Variants in ANKH observed in about 807,000 individuals in gnomAD.
ANKH encodes mineralization regulator ANKH.
Under a neutral mutation model 49.0 loss-of-function variants are expected in ANKH, and 15 were observed. That is an observed-to-expected ratio of 0.31 (90% CI 0.20 to 0.47). The LOEUF (loss-of-function observed/expected upper bound fraction) is 0.47. Among genes scored for constraint, ANKH ranks in the 20% least tolerant of loss-of-function variants. The pLI, the probability that ANKH is intolerant of heterozygous loss-of-function variation, is 1.00. For synonymous variants in ANKH, 273 were observed against 260.0 expected (o/e 1.05, Z -0.48); for missense variants, 429 against 652.0 (o/e 0.66, Z 3.72).
chr5:14,795,974 G>A (rs1194025342), intron 1 of ANKH, among the ~76,000 whole-genome samples: 2 of 151,956 alleles, frequency 1.3e-5, no homozygotes, highest in Non-Finnish European at 2.9e-5. Context: ...CCTTATTAGT[G>A]TCCTGTTTGG....
chr5:14,813,181 C>T (rs1740937032), intron 1 of ANKH, among the ~76,000 whole-genome samples: 1 of 151,430 alleles, frequency 6.6e-6, no homozygotes, highest in African/African-American at 2.4e-5. Flanking sequence ...TTCAAGGTTA[C>T]AGTGAGCTAT....
chr5:14,819,529 T>A (rs1741137480), intron 1 of ANKH, among the ~76,000 whole-genome samples: 2 of 152,124 alleles, frequency 1.3e-5, no homozygotes, highest in South Asian at 4.1e-4. Flanking sequence ...GAGAGCTACT[T>A]TTGGTGCAAG....
At chr5:14,847,287 A>G (rs1039738076) in intron 1 of ANKH, among the ~76,000 whole-genome samples, 1 of 152,160 alleles carries the variant, frequency 6.6e-6, no homozygotes, top group South Asian at 2.1e-4. Flanking sequence ...ACTAAGGGGG[A>G]AAAAGGGGCT....
At chr5:14,722,661 T>C (rs1405240434) in intron 8 of ANKH, among the ~76,000 whole-genome samples, 2 of 152,202 alleles carry the variant, frequency 1.3e-5, no homozygotes, top group South Asian at 2.1e-4. Flanking sequence ...AGCAAATAAA[T>C]ATCCATGAGT....
chr5:14,721,954 A>AAAAAAAAAAAAAAT (rs1737684778), intron 8 of ANKH, among the ~76,000 whole-genome samples: 1 of 150,538 alleles, frequency 6.6e-6, no homozygotes, highest in African/African-American at 2.4e-5. Flanking sequence ...AAAAAAAAAA[A>AAAAAAAAAAAAAAT]GTGGGTATGG....
chr5:14,820,976 A>G (rs1375186850), intron 1 of ANKH, among the ~76,000 whole-genome samples: 2 of 152,012 alleles, frequency 1.3e-5, no homozygotes, highest in Non-Finnish European at 2.9e-5. Context: ...GTGACACTGT[A>G]GTCCCAGCAC....
At chr5:14,858,725 A>G (rs1372292016) in intron 1 of ANKH, among the ~76,000 whole-genome samples, 1 of 94,800 alleles carries the variant, frequency 1.1e-5, no homozygotes, top group African/African-American at 4.3e-5. Flanking sequence ...CAATAAATAA[A>G]TAAATAAATA....
intron 5 of ANKH, among the ~76,000 whole-genome samples, chr5:14,750,106 A>T (rs1475961284): frequency 6.6e-6 from 1 of 152,224 alleles, no homozygotes; most frequent in African/African-American, 2.4e-5. Flanking sequence ...GTCTGACCTC[A>T]GATGGAGGTA....
chr5:14,751,142 C>T lies in ANKH; in HGVS notation c.614G>A (p.Cys205Tyr), dbSNP rs947608393. The T allele has an allele frequency of 6.2e-7, 1 of 1,614,114 alleles. No individual in the cohort carries two copies. The highest frequency in any genetic ancestry group is 8.5e-7 in the Non-Finnish European group (1 of 1,180,044). Residue 205 changes from cysteine (C) to tyrosine (Y), a missense_variant, in exon 5 of 12, where the codon TGC (cysteine) becomes TAC (tyrosine). Transcript: ENST00000284268. The part of the protein sequence containing the change: ...LSLYMGALVR[C>Y]TTLCLGYYKN... The stretch of plus-strand genomic sequence containing the variant: ...GTAGTAGCCCAGGCACAGGGTGGTG[C>T]AGCGCACAAGTGCGCCCATGTACAA...
rs1267380844 is a variant in ANKH, at chr5:14,793,037, A to AAT, written c.97-23848_97-23847dup. ...ATATATATAAATATATATATATAAAAATATATATATAAATATATATAAAAT... is the reference window on the plus strand; with the variant it reads ...ATATATATAAATATATATATATAAAAATATATATATATAAATATATATAAAAT... On this transcript the variant is annotated intron_variant, in intron 1 of 11. Coordinates refer to ENST00000284268, the MANE Select transcript of ANKH (RefSeq NM_054027.6). Among the ~76,000 whole-genome samples the AAT allele has an allele frequency of 1.0e-3, 56 of 56,194 alleles. 1 individual carries two copies. Among genetic ancestry groups the AAT allele is most frequent in the African/African-American group, 4.1e-3 (52 of 12,834 alleles). The allele number at this position is 56,194 out of a possible 152,430, so 36.9% of individuals were successfully genotyped here. A position where few individuals can be genotyped will look rare whatever the true frequency, so the allele number is the denominator to read the frequency against.
chr5:14,821,243 A>G (rs1464232406), intron 1 of ANKH, among the ~76,000 whole-genome samples: 4 of 152,178 alleles, frequency 2.6e-5, no homozygotes, highest in African/African-American at 9.7e-5. Context: ...CAATCCCTTG[A>G]GGGTAATAAT....
chr5:14,747,885 C>T (rs1287236340), intron 6 of ANKH, among the ~76,000 whole-genome samples: 1 of 152,150 alleles, frequency 6.6e-6, no homozygotes, highest in Non-Finnish European at 1.5e-5. Context: ...CCACCTCTCC[C>T]ACGGCTCCCC....
intron 1 of ANKH, among the ~76,000 whole-genome samples, chr5:14,834,371 T>C (rs1447119591): frequency 6.6e-6 from 1 of 152,102 alleles, no homozygotes; most frequent in East Asian, 1.9e-4. Flanking sequence ...CTATTGCTAA[T>C]TACATTCAAG....
intron 1 of ANKH, among the ~76,000 whole-genome samples, chr5:14,773,523 C>G (rs751718616): frequency 2.0e-5 from 3 of 152,042 alleles, no homozygotes; most frequent in Non-Finnish European, 4.4e-5. Flanking sequence ...GTCAGTGAGA[C>G]AAAGTGAGAA....
intron 1 of ANKH, among the ~76,000 whole-genome samples, chr5:14,799,084 T>C (rs1170418760): frequency 6.6e-6 from 1 of 152,256 alleles, no homozygotes; most frequent in African/African-American, 2.4e-5. Flanking sequence ...ACAGCCTTAT[T>C]GCTGATACGG....
At chr5:14,780,672 C>T (rs1739779264) in intron 1 of ANKH, among the ~76,000 whole-genome samples, 1 of 152,212 alleles carries the variant, frequency 6.6e-6, no homozygotes, top group Admixed American at 6.5e-5. Context: ...ATGTGAAATG[C>T]TGAAAGTTGC....
At chr5:14,763,761 T>C (rs736748) in intron 2 of ANKH, among the ~76,000 whole-genome samples, 10,028 of 152,244 alleles carry the variant, frequency 0.066, 369 homozygotes, top group Middle Eastern at 0.088. Flanking sequence ...AGTGTGCTGA[T>C]TGAATAAATG....
chr5:14,840,545 G>A (rs190371811), intron 1 of ANKH, among the ~76,000 whole-genome samples: 46 of 152,298 alleles, frequency 3.0e-4, no homozygotes, highest in Admixed American at 2.9e-3. Context: ...AGTATATTGA[G>A]TTGTGCATTT....
chr5:14,755,361 G>A (rs1738852923), intron 4 of ANKH, among the ~76,000 whole-genome samples: 1 of 152,124 alleles, frequency 6.6e-6, no homozygotes, highest in Non-Finnish European at 1.5e-5. Context: ...TCCACTTCCT[G>A]GTTCCTTCTA....
Sources: gnomAD v4.1 joint callset for allele counts (sites outside exome capture counted in the v4.1 genomes callset) on GRCh38, gnomAD v4.1.1 for gene constraint, MANE v1.5 for transcripts, NCBI Gene and HGNC (gene_info 2026-07-23, HGNC 2026-07-21) for gene names.